Variants in RGS6 observed in about 807,000 individuals in gnomAD.
RGS6 encodes regulator of G-protein signaling 6.
In RGS6, 30 loss-of-function variants were observed where a neutral mutation model predicts 78.5. The ratio of observed to expected loss-of-function variants is 0.38; its 90% CI spans 0.29 to 0.52. The LOEUF (loss-of-function observed/expected upper bound fraction) is 0.52, where lower values mean the gene tolerates loss of function less well. Ranked by LOEUF, RGS6 falls within the 20% of genes least tolerant of loss-of-function variation. The probability of loss-of-function intolerance (pLI) is 0.85; values close to 1 mark genes in which losing one functional copy is unlikely to be tolerated. For missense variants in RGS6, 495 were observed against 609.7 expected, an observed-to-expected ratio of 0.81 and a Z score of 1.98; for synonymous variants, 206 against 206.0, an observed-to-expected ratio of 1.00 and a Z score of 0.00.
chr14:72,410,397 C>G (rs1166232775), intron 3 of RGS6, among the ~76,000 whole-genome samples: 2 of 152,108 alleles, frequency 1.3e-5, no homozygotes, highest in Non-Finnish European at 2.9e-5. Flanking sequence ...TATCCTTTGC[C>G]CACTTGTTGA....
chr14:71,963,800 A>G (rs1056850793), intron 1 of RGS6, among the ~76,000 whole-genome samples: 1 of 152,128 alleles, frequency 6.6e-6, no homozygotes, highest in African/African-American at 2.4e-5. Flanking sequence ...CCTTTTAACT[A>G]TTGTGAATAG....
intron 17 of RGS6, chr14:72,541,570 C>T (rs1321045034): frequency 3.1e-5 from 47 of 1,535,658 alleles, no homozygotes; most frequent in Admixed American, 5.9e-5. Flanking sequence ...CACGGGCTGT[C>T]AGAGTCAAGG....
Position 72,439,731 on chromosome 14 carries a change from G to C in RGS6, c.185-14797G>C, listed in dbSNP as rs369968426. 1.1e-3 allele frequency among the ~76,000 whole-genome samples: 171 copies of C among 152,284 alleles called. 1 individual carries two copies. The highest frequency in any genetic ancestry group is 4.0e-3 in the African/African-American group (167 of 41,562). ...AAGCTCCCTTGCCCTCTGGGTACAA[G>C]GCTTCAACTGATGGGTGACACCAAC... On this transcript the variant is annotated intron_variant, in intron 3 of 17. Coordinates refer to ENST00000553525, the MANE Select transcript of RGS6 (RefSeq NM_001204424.2).
the RGS6 span, among the ~76,000 whole-genome samples, chr14:72,629,461 T>C: frequency 6.6e-6 from 1 of 152,246 alleles, no homozygotes; most frequent in Admixed American, 6.5e-5. Context: ...TGTTGACCAC[T>C]GTCAGTCTCT....
chr14:72,228,762 G>C (rs574705981), intron 2 of RGS6, among the ~76,000 whole-genome samples: 166 of 152,116 alleles, frequency 1.1e-3, no homozygotes, highest in African/African-American at 3.5e-3. Context: ...ATTCTAGTTC[G>C]GGGCTGGGCA....
At chr14:72,285,398 C>A (rs1447545040) in intron 2 of RGS6, among the ~76,000 whole-genome samples, 1 of 152,140 alleles carries the variant, frequency 6.6e-6, no homozygotes, top group Non-Finnish European at 1.5e-5. Flanking sequence ...CTCATGGGAT[C>A]TAATGGTTTT....
the RGS6 span, chr14:72,594,334 GA>G: frequency 6.6e-6 from 1 of 152,148 alleles, no homozygotes; most frequent in Admixed American, 6.5e-5. Context: ...CACCTGTGGG[GA>G]AGCTCGTCCA....
At chr14:72,029,602 A>G (rs2090503670) in intron 2 of RGS6, among the ~76,000 whole-genome samples, 1 of 152,174 alleles carries the variant, frequency 6.6e-6, no homozygotes, top group South Asian at 2.1e-4. Context: ...CCAACTGTGG[A>G]TGGAGTGGGA....
At chr14:72,431,117 G>A (rs1162169281) in intron 3 of RGS6, among the ~76,000 whole-genome samples, 1 of 152,170 alleles carries the variant, frequency 6.6e-6, no homozygotes, top group Non-Finnish European at 1.5e-5. Flanking sequence ...AAGTCCATAT[G>A]TACTAGGATC....
At chr14:71,985,210 G>A (rs1483845093) in intron 2 of RGS6, among the ~76,000 whole-genome samples, 5 of 151,740 alleles carry the variant, frequency 3.3e-5, no homozygotes, top group South Asian at 2.1e-4. Flanking sequence ...TGCAACCGCC[G>A]CCTCCTAAGT....
At chr14:72,193,701 C>T (rs1299189570) in intron 2 of RGS6, among the ~76,000 whole-genome samples, 1 of 152,094 alleles carries the variant, frequency 6.6e-6, no homozygotes, top group Non-Finnish European at 1.5e-5. Flanking sequence ...ACAGGGTAGC[C>T]AAGGAAAGCC....
At chr14:72,240,687 G>C (rs2052546573) in intron 2 of RGS6, among the ~76,000 whole-genome samples, 1 of 152,130 alleles carries the variant, frequency 6.6e-6, no homozygotes, top group African/African-American at 2.4e-5. Flanking sequence ...AGAGTTTGGG[G>C]TTTTTATTTC....
chr14:72,543,807 C>T (rs1482505106), intron 17 of RGS6, among the ~76,000 whole-genome samples: 1 of 152,246 alleles, frequency 6.6e-6, no homozygotes. Context: ...ACAATCTTGG[C>T]TCACTGCAAC....
rs185011483 is a variant in RGS6, at chr14:72,169,647, C to A, written c.85-182448C>A. Reference sequence around the variant, plus strand: ...TCGTGGCAGAGAGTGACTGTTAAAACTTTTTCCTCCTGGGCACGTAGCTGG... The same window carrying A: ...TCGTGGCAGAGAGTGACTGTTAAAAATTTTTCCTCCTGGGCACGTAGCTGG... On this transcript the variant is annotated intron_variant, in intron 2 of 17. Transcript: ENST00000553525. 6.3e-3 allele frequency among the ~76,000 whole-genome samples: 957 copies of A among 152,260 alleles called. 29 individuals carry two copies. The highest frequency in any genetic ancestry group is 0.056 in the Admixed American group (849 of 15,286).
chr14:72,571,020 C>G (rs1475988512), downstream of RGS6, among the ~76,000 whole-genome samples: 1 of 152,122 alleles, frequency 6.6e-6, no homozygotes, highest in Non-Finnish European at 1.5e-5. Flanking sequence ...TTTCCTCTCC[C>G]ATACCTAAGT....
intron 2 of RGS6, among the ~76,000 whole-genome samples, chr14:72,158,473 A>G (rs373224427): frequency 6.6e-6 from 1 of 152,152 alleles, no homozygotes; most frequent in Non-Finnish European, 1.5e-5. Flanking sequence ...TCAGTCCATA[A>G]CAGCCAGTCT....
intron 3 of RGS6, among the ~76,000 whole-genome samples, chr14:72,446,587 G>A (rs1452476257): frequency 6.6e-6 from 1 of 152,082 alleles, no homozygotes; most frequent in African/African-American, 2.4e-5. Context: ...AGGGTTGTGG[G>A]GGATGGTTTC....
the RGS6 span, among the ~76,000 whole-genome samples, chr14:72,611,935 G>T: frequency 6.6e-6 from 1 of 152,168 alleles, no homozygotes; most frequent in Non-Finnish European, 1.5e-5. Flanking sequence ...AATCACGATT[G>T]CTTGGCAGAG....
intron 2 of RGS6, among the ~76,000 whole-genome samples, chr14:72,182,253 C>T (rs2097182737): frequency 6.6e-6 from 1 of 151,908 alleles, no homozygotes. Context: ...ACTAAAAATA[C>T]AAACACATTA....
Sources: allele counts gnomAD v4.1 joint callset (sites outside exome capture counted in the v4.1 genomes callset), GRCh38; gene constraint gnomAD v4.1.1; transcripts MANE v1.5; gene names NCBI Gene and HGNC (gene_info 2026-07-23, HGNC 2026-07-21).